Variants in MSLN observed in about 807,000 individuals in gnomAD.
The protein encoded by MSLN is CAK1 antigen.
MSLN carries 82 observed loss-of-function variants against 72.6 expected under a neutral mutation model. That is an observed-to-expected ratio of 1.13 (90% confidence interval 0.94 to 1.36). The LOEUF (loss-of-function observed/expected upper bound fraction) is 1.36. MSLN is among the 40% of genes most tolerant of loss of function. The pLI, the probability that MSLN is intolerant of heterozygous loss-of-function variation, is 0.00. For missense variants in MSLN, 1,005 were observed against 847.9 expected (o/e 1.19, Z -2.30); for synonymous variants, 456 against 387.3 (o/e 1.18, Z -2.08).
intron 17 of MSLN, 39 bp downstream of exon 17, chr16:768,604 G>A: frequency 1.9e-6 from 3 of 1,611,222 alleles, no homozygotes; most frequent in Admixed American, 1.7e-5. Context: ...GGGCAGAGCT[G>A]GGGGCGTGGA....
rs537273789 is a variant in MSLN at position 766,400 on chromosome 16, C to A, written c.1140C>A (p.Ser380Arg). 2 of 1,612,724 alleles carry A rather than the reference C, an allele frequency of 1.2e-6. No homozygotes were observed. Among genetic ancestry groups the A allele is most frequent in the South Asian group, 2.2e-5 (2 of 91,086 alleles). The change falls in exon 13 of 18, where the codon AGC becomes AGA. Residue 380 changes from serine to arginine, a missense_variant. Transcript: ENST00000545450. ...TGGGCTACCTCTTCCTCAAGATGAGCCCTGAGGACATTCGCAAGTGGAATG... is the reference window on the plus strand; with the variant it reads ...TGGGCTACCTCTTCCTCAAGATGAGACCTGAGGACATTCGCAAGTGGAATG... Reference protein sequence around the residue: ...QHLGYLFLKMSPEDIRKWNVT... With the variant: ...QHLGYLFLKMRPEDIRKWNVT...
chr16:766,902 A>G lies in MSLN; in HGVS notation c.1391A>G (p.Asp464Gly). The G allele has an allele frequency of 6.2e-7, 1 of 1,612,530 alleles. No individual in the cohort carries two copies. The highest frequency in any genetic ancestry group is 8.5e-7 in the Non-Finnish European group (1 of 1,179,850). Residue 464 changes from aspartate to glycine, a missense_variant, in exon 15 of 18, where the codon GAC (aspartate) becomes GGC (glycine). Transcript: ENST00000545450. ...GTCCCCAGGGCGGTCAGGCCCCAGG[A>G]CCTGGACACGTGTGACCCAAGGCAG... ...PSSIWAVRPQ[D>G]LDTCDPRQLD...
chr16:762,553 A>T lies in MSLN; in HGVS notation c.-9-119A>T, dbSNP rs977403121. 5 of 738,130 alleles carry T rather than the reference A, an allele frequency of 6.8e-6. No homozygotes were observed. The African/African-American group carries it at 8.9e-5, about 13-fold the overall frequency. 45.7% of individuals were successfully genotyped at this position (738,130 alleles called of 1,614,324 possible). On this transcript the variant is annotated intron_variant, in intron 2 of 17. Transcript: ENST00000545450. Reference sequence around the variant, plus strand: ...GGGCCAGGGTGCGGACACAAGCTGCAGGTACCACAGAAGTTTGCTCTGGGA... The same window carrying T: ...GGGCCAGGGTGCGGACACAAGCTGCTGGTACCACAGAAGTTTGCTCTGGGA...
rs549780168 is a variant in MSLN at position 765,550 on chromosome 16, C to T, written c.728C>T (p.Ser243Phe). ...PYGPPSTWSV[S>F]TMDALRGLLP... ...AGCCCCCCGTCGACATGGTCTGTCT[C>T]CACGATGGACGCTCTGCGGGGCCTG... The change falls in exon 10 of 18, where the codon TCC becomes TTC. Residue 243 changes from serine (S) to phenylalanine (F), a missense_variant. Physicochemically the swap from Ser to Phe is radical, Grantham distance 155 (BLOSUM62 -2). Coordinates refer to ENST00000545450, the MANE Select transcript of MSLN (RefSeq NM_005823.6). 1.9e-6 allele frequency: 3 copies of T among 1,607,046 alleles called. No individual in the cohort carries two copies. Among genetic ancestry groups the T allele is most frequent in the African/African-American group, 2.7e-5 (2 of 75,034 alleles).
At chr16:768,317 A>C in intron 16 of MSLN, 62 bp from the exon 17 acceptor site, 1 of 1,455,662 alleles carries the variant, frequency 6.9e-7, no homozygotes, top group Non-Finnish European at 9.1e-7. Flanking sequence ...AGAGCCTGGC[A>C]GCCCTCTGGC....
At chr16:763,430 A>G (rs558782916) in intron 4 of MSLN, among the ~76,000 whole-genome samples, 154 bp downstream of exon 4, 1 of 152,218 alleles carries the variant, frequency 6.6e-6, no homozygotes, top group South Asian at 2.1e-4. Context: ...CTGGCCTGGG[A>G]GCAGCCAGGT....
At chr16:764,885 C>A in intron 7 of MSLN, 22 bp from the exon 8 acceptor site, 1 of 1,608,736 alleles carries the variant, frequency 6.2e-7, no homozygotes, top group Non-Finnish European at 8.5e-7. Flanking sequence ...TGCGGCCTGT[C>A]CCCAGCACCC....
intron 13 of MSLN, 87 bp downstream of exon 13, chr16:766,577 C>T (rs917473446): frequency 8.7e-6 from 14 of 1,608,320 alleles, no homozygotes; most frequent in South Asian, 1.1e-5. Context: ...GTTGGGCGGG[C>T]CTGGGGTCAG....
At position 763,218 on chromosome 16, in the gene MSLN, C is replaced by G; in HGVS notation, c.86-15C>G. On this transcript the variant is annotated splice_polypyrimidine_tract_variant and intron_variant, in intron 3 of 17. Transcript: ENST00000545450. ...GCCCGCCCCCTCCCCCAAGCTGTCC[C>G]CTCTGCCCCTTTAGGATGGGTGCAG... 6.5e-7 allele frequency: 1 copy of G among 1,534,048 alleles called. No individual in the cohort carries two copies. The highest frequency in any genetic ancestry group is 8.8e-7 in the Non-Finnish European group (1 of 1,140,010).
chr16:762,043 G>A (rs1449739087), intron 2 of MSLN, among the ~76,000 whole-genome samples: 2 of 152,190 alleles, frequency 1.3e-5, no homozygotes, highest in African/African-American at 2.4e-5. Context: ...CCACCCTAGA[G>A]AGTACAAGGG....
intron 15 of MSLN, among the ~76,000 whole-genome samples, 155 bp from the exon 16 acceptor site, chr16:767,221 A>G (rs577645748): frequency 6.6e-6 from 1 of 151,806 alleles, no homozygotes; most frequent in African/African-American, 2.4e-5. Flanking sequence ...AGGGTCTCCC[A>G]CGCCTGGGGG....
Position 767,381 on chromosome 16 carries a change from GC to G in MSLN, c.1512del (p.Thr505ArgfsTer4). 1 of 1,610,958 alleles carries G rather than the reference GC, an allele frequency of 6.2e-7. No individual in the cohort carries two copies. Among genetic ancestry groups the G allele is most frequent in the African/African-American group, 1.3e-5 (1 of 74,550 alleles). ...GCCCCTCTCCCGGCGGGCAGGTGGG[GC>G]CCCCACGGAGGATTTGAAGGCGCTC... The part of the protein sequence containing the change: ...FVKIQSFLGG[A>X]PTEDLKALSQ... On this transcript the variant is annotated frameshift_variant, in exon 16 of 18. Coordinates refer to ENST00000545450, the MANE Select transcript of MSLN (RefSeq NM_005823.6). LOFTEE classifies it high-confidence loss of function.
rs373112141 is a variant in MSLN, at chr16:768,365, G to A, written c.1597-14G>A. The A allele has an allele frequency of 2.0e-4, 297 of 1,501,316 alleles. 1 individual carries two copies. The highest frequency in any genetic ancestry group is 4.5e-4 in the South Asian group (33 of 73,282). The allele number at this position is 1,501,316 out of a possible 1,614,324, so 93.0% of individuals were successfully genotyped here. A position where few individuals can be genotyped will look rare whatever the true frequency, so the allele number is the denominator to read the frequency against. Reference sequence around the variant, plus strand: ...AGGAGACCCTCCTTGATGGCTGCCCGGGGTCTCTGGCAGCCGTTGACTGTG... The same window carrying A: ...AGGAGACCCTCCTTGATGGCTGCCCAGGGTCTCTGGCAGCCGTTGACTGTG... On this transcript the variant is annotated splice_polypyrimidine_tract_variant and intron_variant, in intron 16 of 17. Coordinates refer to ENST00000545450, the MANE Select transcript of MSLN (RefSeq NM_005823.6).
rs1181171234 is a variant in MSLN, at chr16:768,740, C to T, written c.*7C>T. 4 of 1,609,704 alleles carry T rather than the reference C, an allele frequency of 2.5e-6. No individual in the cohort carries two copies. The highest frequency in any genetic ancestry group is 1.7e-6 in the Non-Finnish European group (2 of 1,179,322). ...AGCCTCCACCCTGGCCTGAGGGCCC[C>T]ACTCCCTTGCTGGCCCCAGCCCTGC... On this transcript the variant is annotated 3_prime_UTR_variant, in exon 18 of 18. Coordinates refer to ENST00000545450, the MANE Select transcript of MSLN (RefSeq NM_005823.6).
At position 766,048 on chromosome 16, in the gene MSLN, G is replaced by A; in HGVS notation, c.896-11G>A. ...ACTCCGGCCCTGACCCCTGACCCCT[G>A]TGCCCTGCAGAGACAGCCTGTCCTT... On this transcript the variant is annotated splice_polypyrimidine_tract_variant and intron_variant, in intron 11 of 17. Coordinates refer to ENST00000545450, the MANE Select transcript of MSLN (RefSeq NM_005823.6). The A allele has an allele frequency of 6.2e-7, 1 of 1,601,582 alleles. No homozygotes were observed. Among genetic ancestry groups the A allele is most frequent in the Non-Finnish European group, 8.5e-7 (1 of 1,173,528 alleles).
At chr16:763,406 G>A in intron 4 of MSLN, 130 bp downstream of exon 4, 1 of 899,994 alleles carries the variant, frequency 1.1e-6, no homozygotes, top group Non-Finnish European at 1.7e-6. Context: ...AGGGGCACCT[G>A]GACCTGCATG....
Position 765,244 on chromosome 16 carries a change from G to C in MSLN, c.645G>C (p.Leu215=). The change falls in exon 9 of 18, where the codon CTG becomes CTC. Residue 215 remains leucine, a synonymous_variant. Transcript: ENST00000545450. ...GGCTGGTGAGCTGCCCGGGACCCCT[G>C]GACCAGGACCAGCAGGAGGCAGCCA... ...LPRLVSCPGP[L]DQDQQEAARA... 6.3e-7 allele frequency: 1 copy of C among 1,583,910 alleles called. No homozygotes were observed. The highest frequency in any genetic ancestry group is 8.5e-7 in the Non-Finnish European group (1 of 1,171,518).
At position 767,474 on chromosome 16, in the gene MSLN, T is replaced by C. The variant is rs962017306; in HGVS notation, c.1596+4T>C. ...GCTGCGGACGGATGCGGTGCTGGTA[T>C]GGCGAGCGGGAGGAGGGGCGTGTGG... is the stretch of plus-strand genomic sequence containing the variant. On this transcript the variant is annotated splice_donor_region_variant and intron_variant, in intron 16 of 17. Transcript: ENST00000545450. 1.9e-5 allele frequency: 26 copies of C among 1,348,786 alleles called. 1 individual carries two copies. The Admixed American group carries it at 3.2e-4, about 17-fold the overall frequency. The allele number at this position is 1,348,786 out of a possible 1,614,324, so 83.6% of individuals were successfully genotyped here.
chr16:765,633 C>G lies in MSLN; in HGVS notation c.795+16C>G. The G allele has an allele frequency of 6.3e-7, 1 of 1,599,226 alleles. No individual in the cohort carries two copies. The highest frequency in any genetic ancestry group is 2.2e-5 in the East Asian group (1 of 44,772). On this transcript the variant is annotated intron_variant, in intron 10 of 17. Coordinates refer to ENST00000545450, the MANE Select transcript of MSLN (RefSeq NM_005823.6). ...CATCCCGCAGGTGAGACCCCAATCC[C>G]CAGCCCGTGGGGATGCCCGGCCACC...
Sources: allele counts gnomAD v4.1 joint callset (sites outside exome capture counted in the v4.1 genomes callset), GRCh38; gene constraint gnomAD v4.1.1; transcripts MANE v1.5; gene names NCBI Gene and HGNC (gene_info 2026-07-23, HGNC 2026-07-21).